Variants in ARMH3 observed in about 807,000 individuals in gnomAD.
ARMH3 encodes the protein armadillo like helical domain containing 3.
In ARMH3, 60 loss-of-function variants were observed where a neutral mutation model predicts 99.1. The observed-to-expected ratio is 0.61, with a 90% confidence interval of 0.49 to 0.75. The LOEUF is 0.75. Among genes scored for constraint, ARMH3 ranks in the 30% least tolerant of loss-of-function variants. The pLI is 0.00. For missense variants in ARMH3, 679 were observed against 843.1 expected (o/e 0.81, Z 2.41); for synonymous variants, 285 against 292.8 (o/e 0.97, Z 0.27).
intron 22 of ARMH3, among the ~76,000 whole-genome samples, chr10:101,955,758 G>A (rs1845003034): frequency 6.6e-6 from 1 of 152,194 alleles, no homozygotes; most frequent in South Asian, 2.1e-4. Context: ...AGGTGGTGAA[G>A]GAGACATGAG....
chr10:101,941,363 T>C (rs1844232903), intron 22 of ARMH3, among the ~76,000 whole-genome samples: 2 of 152,188 alleles, frequency 1.3e-5, no homozygotes, highest in Admixed American at 1.3e-4. Context: ...CCCAAATGAA[T>C]GAATGAATGT....
At chr10:101,995,163 T>C (rs558537586) in intron 16 of ARMH3, 134 bp downstream of exon 16, 13 of 753,916 alleles carry the variant, frequency 1.7e-5, no homozygotes, top group East Asian at 7.4e-5. Context: ...AGACAGATAA[T>C]ACAAAGGGGG....
At chr10:101,859,812 G>C (rs2066821064) in intron 24 of ARMH3, among the ~76,000 whole-genome samples, 1 of 152,184 alleles carries the variant, frequency 6.6e-6, no homozygotes, top group African/African-American at 2.4e-5. Context: ...AAAACAATTA[G>C]ATTCATGAGC....
At position 102,025,238 on chromosome 10, in the gene ARMH3, T is replaced by A. The variant is rs1318023645; in HGVS notation, c.425A>T (p.Glu142Val). 1.2e-6 allele frequency: 2 copies of A among 1,613,518 alleles called. No individual in the cohort carries two copies. The highest frequency in any genetic ancestry group is 3.3e-5 in the Admixed American group (2 of 59,996). The change falls in exon 6 of 26, where the codon GAG (glutamate) becomes GTG (valine). Residue 142 changes from glutamate to valine, a missense_variant. By Grantham distance (121) the Glu-to-Val change is moderately radical. This residue lies in a region of ARMH3 where 280 missense variants were observed against 354.6 expected (regional missense o/e 0.79). Coordinates refer to ENST00000370033, the MANE Select transcript of ARMH3 (RefSeq NM_024541.3). ...TGCACAAAGCAATGAATCCAAACTCTCCATCAAGTTCTGAGAAAGAGAACC... is the reference window on the plus strand; with the variant it reads ...TGCACAAAGCAATGAATCCAAACTCACCATCAAGTTCTGAGAAAGAGAACC... ...KAELCMKNLM[E>V]SLDSLLCAEG...
intron 19 of ARMH3, among the ~76,000 whole-genome samples, chr10:101,984,206 T>C (rs1477631927): frequency 6.6e-6 from 1 of 152,200 alleles, no homozygotes; most frequent in Non-Finnish European, 1.5e-5. Context: ...TGTACCAAAA[T>C]TGCTTACCAA....
intron 19 of ARMH3, among the ~76,000 whole-genome samples, chr10:101,982,357 G>A (rs2135958755): frequency 6.6e-6 from 1 of 152,196 alleles, no homozygotes; most frequent in East Asian, 1.9e-4. Context: ...TTGCACTCCA[G>A]CCTAGATGCC....
intron 2 of ARMH3, among the ~76,000 whole-genome samples, chr10:102,034,661 A>G (rs1327395250): frequency 1.3e-5 from 2 of 151,728 alleles, no homozygotes; most frequent in Admixed American, 6.6e-5. Flanking sequence ...AAAAAAGAGA[A>G]GCCCTACTTT....
At chr10:102,054,715 G>A (rs1252750843) in intron 1 of ARMH3, among the ~76,000 whole-genome samples, 1 of 152,158 alleles carries the variant, frequency 6.6e-6, no homozygotes, top group Non-Finnish European at 1.5e-5. Context: ...ACTTTTTCTG[G>A]CCGGGCGCAG....
At position 101,856,289 on chromosome 10, in the gene ARMH3, C is replaced by G. The variant is rs1316665473; in HGVS notation, c.1861-6397G>C. On this transcript the variant is annotated intron_variant, in intron 24 of 25. Coordinates refer to ENST00000370033, the MANE Select transcript of ARMH3 (RefSeq NM_024541.3). ...TTACAGATCACTCCAAACTCATTGTCAGCAATATCTGATTTTGGCTGCTAT... is the reference window on the plus strand; with the variant it reads ...TTACAGATCACTCCAAACTCATTGTGAGCAATATCTGATTTTGGCTGCTAT... Among the ~76,000 whole-genome samples the G allele has an allele frequency of 2.6e-5, 4 of 152,282 alleles. No individual in the cohort carries two copies. In the East Asian group the frequency reaches 7.7e-4, roughly 29 times the overall value.
rs145399722 is a variant in ARMH3 at position 101,967,692 on chromosome 10, G to A, written c.1495+7520C>T. Among the ~76,000 whole-genome samples the A allele has an allele frequency of 1.7e-3, 265 of 152,270 alleles. 6 individuals carry two copies. The East Asian group carries it at 0.043, about 25-fold the overall frequency. On this transcript the variant is annotated intron_variant, in intron 20 of 25. Transcript: ENST00000370033. The stretch of plus-strand genomic sequence containing the variant: ...GCAGAGGTTACGGTGAGCTGGGATC[G>A]CGCCACGGCACTCCAGCCTGGGCTA...
intron 8 of ARMH3, among the ~76,000 whole-genome samples, chr10:102,020,842 T>C (rs2066868594): frequency 6.8e-6 from 1 of 146,310 alleles, no homozygotes; most frequent in East Asian, 2.0e-4. Context: ...ACTAAGACTC[T>C]GTCTCAAAAA....
At chr10:101,889,560 A>ATTTT in intron 23 of ARMH3, 70 bp from the exon 24 acceptor site, 1 of 1,378,500 alleles carries the variant, frequency 7.3e-7, no homozygotes, top group Non-Finnish European at 1.0e-6. Context: ...AAAAATAAGG[A>ATTTT]TCAAGTACCC....
chr10:102,027,965 T>C (rs966727722), intron 5 of ARMH3, among the ~76,000 whole-genome samples: 6 of 151,550 alleles, frequency 4.0e-5, no homozygotes, highest in African/African-American at 1.4e-4. Context: ...AAGGGACATA[T>C]TCAGAATACG....
At chr10:101,946,445 G>C (rs1016513164) in intron 22 of ARMH3, among the ~76,000 whole-genome samples, 5 of 151,934 alleles carry the variant, frequency 3.3e-5, no homozygotes, top group African/African-American at 7.3e-5. Flanking sequence ...CCAGGAGTTT[G>C]AGGCTACAGT....
At chr10:102,001,863 C>T (rs188903312) in intron 15 of ARMH3, 108 bp downstream of exon 15, 18 of 970,604 alleles carry the variant, frequency 1.9e-5, no homozygotes, top group African/African-American at 1.8e-4. Flanking sequence ...GTACACAAGG[C>T]CCCAATAGTT....
At chr10:101,939,622 T>A (rs1295303790) in intron 23 of ARMH3, among the ~76,000 whole-genome samples, 1 of 152,162 alleles carries the variant, frequency 6.6e-6, no homozygotes, top group Non-Finnish European at 1.5e-5. Context: ...GAAAAGGGCT[T>A]ATAACCATCT....
chr10:101,931,201 A>T (rs1843705990), intron 23 of ARMH3, among the ~76,000 whole-genome samples: 1 of 152,188 alleles, frequency 6.6e-6, no homozygotes, highest in Admixed American at 6.5e-5. Flanking sequence ...AGCCTGACTC[A>T]AGTTAAGAAA....
chr10:101,938,202 C>G (rs1844077017), intron 23 of ARMH3, among the ~76,000 whole-genome samples: 1 of 152,136 alleles, frequency 6.6e-6, no homozygotes, highest in South Asian at 2.1e-4. Context: ...TAGATGTATA[C>G]TGAGTCCGGT....
intron 8 of ARMH3, among the ~76,000 whole-genome samples, chr10:102,018,674 A>G (rs61873634): frequency 0.049 from 7,461 of 152,304 alleles, 195 homozygotes; most frequent in Middle Eastern, 0.095. Flanking sequence ...TACAATTATC[A>G]GCCAGGCACG....
Sources: allele counts gnomAD v4.1 joint callset (sites outside exome capture counted in the v4.1 genomes callset), GRCh38; gene constraint gnomAD v4.1.1; regional missense constraint gnomAD v4.1.1; transcripts MANE v1.5; gene names NCBI Gene and HGNC (gene_info 2026-07-23, HGNC 2026-07-21).